LRFN5: variants seen among roughly 807,000 people sequenced by gnomAD.
LRFN5 encodes the protein leucine-rich repeat and fibronectin type-III domain-containing protein 5.
A neutral mutation model predicts 45.6 loss-of-function variants in LRFN5; 24 were observed. The observed-to-expected ratio is 0.53, with a 90% CI of 0.38 to 0.74. The LOEUF (loss-of-function observed/expected upper bound fraction) is 0.74, where lower values mean the gene tolerates loss of function less well. LRFN5 is among the 30% of genes least tolerant of loss of function. The pLI is 0.00. For missense variants in LRFN5, 776 were observed against 861.5 expected (o/e 0.90, Z 1.24); for synonymous variants, 340 against 313.8 (o/e 1.08, Z -0.88).
chr14:41,713,239 CT>C (rs1883356048), intron 1 of LRFN5, among the ~76,000 whole-genome samples: 1 of 151,994 alleles, frequency 6.6e-6, no homozygotes, highest in Non-Finnish European at 1.5e-5. Context: ...GCAAAACAGT[CT>C]GTTAGTAATT....
chr14:41,656,682 T>G (rs1880396594), intron 1 of LRFN5, among the ~76,000 whole-genome samples: 1 of 151,908 alleles, frequency 6.6e-6, no homozygotes, highest in Admixed American at 6.6e-5. Flanking sequence ...TTGTTATGAT[T>G]CAAATGCTCA....
chr14:41,616,514 T>G (rs886318669), intron 1 of LRFN5, among the ~76,000 whole-genome samples: 2 of 152,100 alleles, frequency 1.3e-5, no homozygotes, highest in Non-Finnish European at 2.9e-5. Context: ...CTAAATTAAG[T>G]TTTGTTACCT....
chr14:41,696,467 C>T (rs919682868), intron 1 of LRFN5, among the ~76,000 whole-genome samples: 6 of 150,356 alleles, frequency 4.0e-5, no homozygotes, highest in African/African-American at 9.8e-5. Context: ...CCAAATGATG[C>T]GGCATTATTG....
At chr14:41,756,202 T>A (rs1293118709) in intron 1 of LRFN5, among the ~76,000 whole-genome samples, 1 of 152,210 alleles carries the variant, frequency 6.6e-6, no homozygotes, top group Non-Finnish European at 1.5e-5. Context: ...CTTAACATTT[T>A]TTCCTTCATT....
At chr14:41,694,923 C>T (rs1342525668) in intron 1 of LRFN5, among the ~76,000 whole-genome samples, 2 of 151,824 alleles carry the variant, frequency 1.3e-5, no homozygotes, top group Non-Finnish European at 2.9e-5. Flanking sequence ...AAATCAAAAA[C>T]TAGACATGAT....
intron 1 of LRFN5, among the ~76,000 whole-genome samples, chr14:41,673,836 C>A (rs1881400867): frequency 1.4e-5 from 2 of 148,104 alleles, no homozygotes; most frequent in Admixed American, 6.7e-5. Flanking sequence ...GGGCAGATGG[C>A]CGGGCGGGGG....
intron 1 of LRFN5, among the ~76,000 whole-genome samples, chr14:41,678,562 C>T (rs1323087255): frequency 3.3e-5 from 5 of 152,118 alleles, no homozygotes; most frequent in South Asian, 2.1e-4. Flanking sequence ...ATTTATAGAA[C>T]ATGCCACGCA....
Position 41,891,777 on chromosome 14 carries a change from C to T in LRFN5, c.1913C>T (p.Ser638Phe). 1 of 1,614,178 alleles carries T rather than the reference C, an allele frequency of 6.2e-7. No individual in the cohort carries two copies. The highest frequency in any genetic ancestry group is 8.5e-7 in the Non-Finnish European group (1 of 1,180,028). ...CCTCCTTCCTGGACTTCAAGCACTT[C>T]TGTGTCCCAAAAGCAGAAAAGAAAG... Reference protein sequence around the residue: ...ALPPSWTSSTSVSQKQKRKTG... With the variant: ...ALPPSWTSSTFVSQKQKRKTG... Residue 638 changes from serine to phenylalanine, a missense_variant, in exon 4 of 6, where the codon TCT becomes TTT. Ser to Phe is a radical substitution (Grantham distance 155). Transcript: ENST00000298119.
chr14:41,769,909 T>C (rs1281314243), intron 2 of LRFN5, among the ~76,000 whole-genome samples: 1 of 152,166 alleles, frequency 6.6e-6, no homozygotes, highest in Admixed American at 6.5e-5. Flanking sequence ...CATTTTTGCA[T>C]CACTATAAGG....
intron 1 of LRFN5, among the ~76,000 whole-genome samples, chr14:41,673,611 C>A (rs1235988212): frequency 1.4e-5 from 2 of 139,756 alleles, no homozygotes; most frequent in African/African-American, 5.4e-5. Flanking sequence ...GGCGGCTGGC[C>A]GGGCAGGGGA....
In LRFN5 at chr14:41,615,132, T is replaced by C. The variant is rs140916720; in HGVS notation, c.-197+6570T>C. 1.6e-4 allele frequency among the ~76,000 whole-genome samples: 25 copies of C among 152,242 alleles called. No individual in the cohort carries two copies. In the East Asian group the frequency reaches 4.8e-3, roughly 29 times the overall value. ...GCAACTTGTAAGTTCTCCTGACATATATATTCAATCTTAAATTTTTTTTAA... is the reference window on the plus strand; with the variant it reads ...GCAACTTGTAAGTTCTCCTGACATACATATTCAATCTTAAATTTTTTTTAA... On this transcript the variant is annotated intron_variant, in intron 1 of 5. Transcript: ENST00000298119.
At position 41,809,764 on chromosome 14, in the gene LRFN5, A is replaced by G. The variant is rs563433458; in HGVS notation, c.-21+42735A>G. On this transcript the variant is annotated intron_variant, in intron 2 of 5. Transcript: ENST00000298119. The stretch of plus-strand genomic sequence containing the variant: ...AAATATAAATCAACAAAGTGATAGC[A>G]TATAGATTTATAGGAGATATACATA... Among the ~76,000 whole-genome samples, 6 of 152,056 alleles carry G rather than the reference A, an allele frequency of 3.9e-5. No homozygotes were observed. In the South Asian group the frequency reaches 1.2e-3, roughly 31 times the overall value.
At chr14:41,672,634 C>T (rs1881289038) in intron 1 of LRFN5, among the ~76,000 whole-genome samples, 1 of 152,124 alleles carries the variant, frequency 6.6e-6, no homozygotes, top group South Asian at 2.1e-4. Flanking sequence ...AAGTTATAAC[C>T]TTTAATCTTT....
chr14:41,785,111 GC>G (rs1886672391), intron 2 of LRFN5, among the ~76,000 whole-genome samples: 1 of 151,990 alleles, frequency 6.6e-6, no homozygotes, highest in South Asian at 2.1e-4. Flanking sequence ...GAATAAGGTA[GC>G]TTTTCCATTC....
chr14:41,720,803 A>G (rs1294617083), intron 1 of LRFN5, among the ~76,000 whole-genome samples: 2 of 152,072 alleles, frequency 1.3e-5, no homozygotes, highest in East Asian at 3.9e-4. Context: ...ATGGCCAAAC[A>G]TAATGTTGAT....
intron 2 of LRFN5, among the ~76,000 whole-genome samples, chr14:41,792,157 A>G (rs1287754428): frequency 6.6e-6 from 1 of 152,038 alleles, no homozygotes; most frequent in Admixed American, 6.6e-5. Flanking sequence ...TCAGACCAGC[A>G]AGTTTTTATT....
intron 2 of LRFN5, among the ~76,000 whole-genome samples, chr14:41,839,997 C>T (rs186987799): frequency 6.6e-6 from 1 of 152,142 alleles, no homozygotes; most frequent in Non-Finnish European, 1.5e-5. Context: ...CTCTTTTGTT[C>T]ATCCATATAA....
chr14:41,800,308 T>A (rs140022769), intron 2 of LRFN5, among the ~76,000 whole-genome samples: 2,031 of 152,170 alleles, frequency 0.013, 19 homozygotes, highest in Non-Finnish European at 0.018. Flanking sequence ...TATTGGCAAA[T>A]GTCCTTAAGT....
rs563147206 is a variant in LRFN5, at chr14:41,773,576, TG to T, written c.-21+6548del. 4.7e-4 allele frequency among the ~76,000 whole-genome samples: 71 copies of T among 152,294 alleles called. No homozygotes were observed. In the East Asian group the frequency reaches 0.013, roughly 28 times the overall value. ...CTCTCTCTTTGTCTCTCTCTCTCTCTGTCTCTTTCTCTTTCTCTCTCTCTGC... is the reference window on the plus strand; with the variant it reads ...CTCTCTCTTTGTCTCTCTCTCTCTCTTCTCTTTCTCTTTCTCTCTCTCTGC... On this transcript the variant is annotated intron_variant, in intron 2 of 5. Coordinates refer to ENST00000298119, the MANE Select transcript of LRFN5 (RefSeq NM_152447.5).
Sources: allele counts gnomAD v4.1 joint callset (sites outside exome capture counted in the v4.1 genomes callset), GRCh38; gene constraint gnomAD v4.1.1; transcripts MANE v1.5; gene names NCBI Gene and HGNC (gene_info 2026-07-23, HGNC 2026-07-21).